The following MYO3B variants were observed in gnomAD, a reference collection of about 807,000 sequenced individuals.
MYO3B encodes the protein myosin IIIB, also known as myosin-IIIb.
MYO3B carries 156 observed loss-of-function variants against 174.6 expected under a neutral mutation model. The observed-to-expected ratio is 0.89, with a 90% confidence interval of 0.78 to 1.02. The LOEUF (loss-of-function observed/expected upper bound fraction) is 1.02. Among genes scored for constraint, MYO3B ranks in the 50% least tolerant of loss-of-function variants. The probability of loss-of-function intolerance (pLI) is 0.00; values close to 1 mark genes in which losing one functional copy is unlikely to be tolerated. For missense variants in MYO3B, 1,632 were observed against 1,639.4 expected, an observed-to-expected ratio of 1.00 and a Z score of 0.08; for synonymous variants, 563 against 569.1, an observed-to-expected ratio of 0.99 and a Z score of 0.15.
intron 7 of MYO3B, chr2:170,332,211 A>C (rs1377199206): frequency 6.6e-6 from 1 of 152,190 alleles, no homozygotes; most frequent in East Asian, 1.9e-4. Flanking sequence ...GGTTTTGAAC[A>C]TGTTGACCTT....
At chr2:170,456,957 C>T (rs149158120) in intron 23 of MYO3B, among the ~76,000 whole-genome samples, 60 of 152,318 alleles carry the variant, frequency 3.9e-4, no homozygotes, top group African/African-American at 9.1e-4. Flanking sequence ...TATCGCCTTT[C>T]GCTGTGAGAC....
intron 32 of MYO3B, among the ~76,000 whole-genome samples, chr2:170,569,112 G>A (rs1027335888): frequency 4.4e-5 from 5 of 113,600 alleles, no homozygotes; most frequent in South Asian, 3.6e-4. Flanking sequence ...ATAAAATTGC[G>A]AACGTTTTTC....
chr2:170,442,654 C>T lies in MYO3B; in HGVS notation c.2651-1313C>T, dbSNP rs150649840. Among the ~76,000 whole-genome samples, 647 of 151,978 alleles carry T rather than the reference C, an allele frequency of 4.3e-3. 4 individuals carry two copies. Among genetic ancestry groups the T allele is most frequent in the African/African-American group, 0.015 (632 of 41,302 alleles). On this transcript the variant is annotated intron_variant, in intron 22 of 34. Transcript: ENST00000408978. ...TCTCCTAATGCTATCCCTCCCCACT[C>T]CCCCCACTCCCCGACAGGTCCTGGT...
At chr2:170,525,129 C>A (rs889058190) in intron 30 of MYO3B, among the ~76,000 whole-genome samples, 1 of 152,108 alleles carries the variant, frequency 6.6e-6, no homozygotes, top group African/African-American at 2.4e-5. Flanking sequence ...GAAGAAAATT[C>A]CAGCACCCAG....
At chr2:170,573,850 T>TA (rs1692617767) in intron 32 of MYO3B, among the ~76,000 whole-genome samples, 1 of 152,206 alleles carries the variant, frequency 6.6e-6, no homozygotes, top group Non-Finnish European at 1.5e-5. Flanking sequence ...TTTCCCTCCC[T>TA]AGTCATTCTC....
At chr2:170,482,722 T>G (rs1167027447) in intron 25 of MYO3B, among the ~76,000 whole-genome samples, 2 of 152,268 alleles carry the variant, frequency 1.3e-5, no homozygotes, top group African/African-American at 2.4e-5. Flanking sequence ...TGATCCAACT[T>G]TCTCATTTAC....
chr2:170,315,297 C>T (rs753200713), intron 7 of MYO3B, among the ~76,000 whole-genome samples: 9 of 147,082 alleles, frequency 6.1e-5, no homozygotes, highest in Non-Finnish European at 8.9e-5. Context: ...AGTGAAGAGA[C>T]ATACAATTTA....
Position 170,619,097 on chromosome 2 carries a change from G to A in MYO3B, c.3734-32531G>A, listed in dbSNP as rs1381327637. 3.3e-5 allele frequency among the ~76,000 whole-genome samples: 5 copies of A among 152,144 alleles called. 1 individual carries two copies. The highest frequency in any genetic ancestry group is 1.2e-4 in the African/African-American group (5 of 41,412). On this transcript the variant is annotated intron_variant, in intron 32 of 34. Coordinates refer to ENST00000408978, the MANE Select transcript of MYO3B (RefSeq NM_138995.5). ...GGGAGTATGCCTTAACCCTAAAGAG[G>A]CCTAGAAGAGCTGTGGCAAGATGAG... is the stretch of plus-strand genomic sequence containing the variant.
At chr2:170,319,369 G>A (rs1418063726) in intron 7 of MYO3B, among the ~76,000 whole-genome samples, 3 of 152,110 alleles carry the variant, frequency 2.0e-5, no homozygotes, top group Non-Finnish European at 4.4e-5. Context: ...ATGGTGAAAA[G>A]TATAATTGTT....
intron 25 of MYO3B, among the ~76,000 whole-genome samples, chr2:170,495,376 T>C (rs549226907): frequency 4.3e-4 from 66 of 152,302 alleles, no homozygotes; most frequent in African/African-American, 1.5e-3. Context: ...ACTATAGATA[T>C]GTCACTTACA....
chr2:170,435,478 G>C lies in MYO3B; in HGVS notation c.2651-8489G>C, dbSNP rs140039379. Reference sequence around the variant, plus strand: ...GCTTGGAGACTCCTGAAAAAAGAAAGTCCTACTAATGGAGACAGGAATTAC... The same window carrying C: ...GCTTGGAGACTCCTGAAAAAAGAAACTCCTACTAATGGAGACAGGAATTAC... On this transcript the variant is annotated intron_variant, in intron 22 of 34. Transcript: ENST00000408978. Among the ~76,000 whole-genome samples the C allele has an allele frequency of 1.9e-3, 285 of 152,268 alleles. 3 individuals are homozygous for C. The highest frequency in any genetic ancestry group is 6.3e-3 in the African/African-American group (263 of 41,542).
chr2:170,589,586 A>G (rs1470423556), intron 32 of MYO3B, among the ~76,000 whole-genome samples: 2 of 152,206 alleles, frequency 1.3e-5, no homozygotes, highest in Admixed American at 6.5e-5. Context: ...AAATAGAAAA[A>G]AGCTTATAGA....
intron 7 of MYO3B, among the ~76,000 whole-genome samples, chr2:170,311,801 T>C (rs545116434): frequency 1.3e-5 from 2 of 152,304 alleles, no homozygotes; most frequent in South Asian, 2.1e-4. Flanking sequence ...AATGTGTGGG[T>C]CCAACTTCGT....
intron 25 of MYO3B, among the ~76,000 whole-genome samples, chr2:170,477,382 C>G (rs1685382516): frequency 6.6e-6 from 1 of 152,144 alleles, no homozygotes. Context: ...AACCTATAGT[C>G]TTATTTTTAT....
chr2:170,275,250 T>A (rs182870712), intron 7 of MYO3B, among the ~76,000 whole-genome samples: 1 of 152,300 alleles, frequency 6.6e-6, no homozygotes, highest in Admixed American at 6.5e-5. Flanking sequence ...TTGAAAACAA[T>A]AATAACAATG....
chr2:170,248,497 C>T (rs1191952995), intron 7 of MYO3B, among the ~76,000 whole-genome samples: 1 of 152,166 alleles, frequency 6.6e-6, no homozygotes, highest in Non-Finnish European at 1.5e-5. Context: ...AGTCAGAAGT[C>T]TGAAATGGGT....
chr2:170,322,220 G>T (rs2093833558), intron 7 of MYO3B, among the ~76,000 whole-genome samples: 1 of 150,952 alleles, frequency 6.6e-6, no homozygotes. Context: ...TTTTGAAAAA[G>T]AAATCTACGA....
At chr2:170,471,597 C>T (rs566777792) in intron 25 of MYO3B, among the ~76,000 whole-genome samples, 1 of 152,252 alleles carries the variant, frequency 6.6e-6, no homozygotes, top group African/African-American at 2.4e-5. Flanking sequence ...AGAAGTCTAA[C>T]ATCATTCTTT....
intron 24 of MYO3B, among the ~76,000 whole-genome samples, chr2:170,465,221 G>A (rs1469402968): frequency 2.6e-5 from 4 of 152,076 alleles, no homozygotes; most frequent in African/African-American, 7.2e-5. Flanking sequence ...TCACGGTTCT[G>A]CAGGCTCCAC....
Sources: allele counts gnomAD v4.1 joint callset (sites outside exome capture counted in the v4.1 genomes callset), GRCh38; gene constraint gnomAD v4.1.1; transcripts MANE v1.5; gene names NCBI Gene and HGNC (gene_info 2026-07-23, HGNC 2026-07-21).